Variants in SLC38A10 observed in about 807,000 individuals in gnomAD.
SLC38A10 encodes the protein Sodium-coupled neutral amino acid transporter 10.
In SLC38A10, 53 loss-of-function variants were observed where a neutral mutation model predicts 81.0. The observed-to-expected ratio is 0.65, with a 90% CI of 0.53 to 0.82. SLC38A10 has a LOEUF of 0.82. Among genes scored for constraint, SLC38A10 ranks in the 40% least tolerant of loss-of-function variants. SLC38A10 has a pLI of 0.00. For missense variants in SLC38A10, 1,471 were observed against 1,545.0 expected (o/e 0.95, Z 0.80); for synonymous variants, 665 against 655.3 (o/e 1.01, Z -0.23).
Position 81,276,049 on chromosome 17 carries a change from T to C in SLC38A10, c.832A>G (p.Met278Val), listed in dbSNP as rs1279101454. 6.8e-6 allele frequency: 11 copies of C among 1,613,952 alleles called. No homozygotes were observed. Among genetic ancestry groups the C allele is most frequent in the African/African-American group, 5.3e-5 (4 of 75,050 alleles). Residue 278 changes from methionine (M) to valine (V), a missense_variant, in exon 8 of 16, where the codon ATG becomes GTG. Met to Val is a conservative substitution (Grantham distance 21). Around this residue, in one of 2 missense-constraint regions of SLC38A10, gnomAD observed 720 missense variants for 827.7 expected, o/e 0.87. Transcript: ENST00000374759. The surrounding 1 kb of genome is among the most constrained non-coding windows in gnomAD (Gnocchi z 4.7). Reference sequence around the variant, plus strand: ...GGGAAGCCCACAGCCACTGACATCATGAAGCCCACACGGAGCATCTCCGTC... The same window carrying C: ...GGGAAGCCCACAGCCACTGACATCACGAAGCCCACACGGAGCATCTCCGTC... Reference protein sequence around the residue: ...LVTEMLRVGFMMSVAVGFPMM... With the variant: ...LVTEMLRVGFVMSVAVGFPMM...
chr17:81,267,570 G>A (rs1173749206), intron 10 of SLC38A10, among the ~76,000 whole-genome samples: 1 of 151,964 alleles, frequency 6.6e-6, no homozygotes, highest in African/African-American at 2.4e-5. Context: ...CTAAAACATG[G>A]GACCTGGCAT....
At position 81,293,913 on chromosome 17, in the gene SLC38A10, TC is replaced by T. The variant is rs1300173204; in HGVS notation, c.99+909del. Reference sequence around the variant, plus strand: ...AGATGACACTTAGAAATGGCCATTTTCTTTCATGTGTTATTCAATGCTGGAA... The same window carrying T: ...AGATGACACTTAGAAATGGCCATTTTTTTCATGTGTTATTCAATGCTGGAA... On this transcript the variant is annotated intron_variant, in intron 1 of 15. Transcript: ENST00000374759. 2.0e-5 allele frequency among the ~76,000 whole-genome samples: 3 copies of T among 152,218 alleles called. No homozygotes were observed. The East Asian group carries it at 5.8e-4, about 29-fold the overall frequency.
At chr17:81,254,383 C>A (rs9892257) in intron 11 of SLC38A10, among the ~76,000 whole-genome samples, 28,899 of 152,218 alleles carry the variant, frequency 0.19, 3,042 homozygotes, top group Non-Finnish European at 0.23. Context: ...GAAGGTACCA[C>A]CCTACTGGGT....
intron 1 of SLC38A10, among the ~76,000 whole-genome samples, chr17:81,290,392 G>A (rs2063301111): frequency 6.6e-6 from 1 of 152,178 alleles, no homozygotes; most frequent in African/African-American, 2.4e-5. Flanking sequence ...GATACAAACT[G>A]TGGTCCATTC....
At chr17:81,256,393 G>A (rs2062972945) in intron 11 of SLC38A10, among the ~76,000 whole-genome samples, 1 of 152,206 alleles carries the variant, frequency 6.6e-6, no homozygotes, top group African/African-American at 2.4e-5. Flanking sequence ...GGACGGGCGG[G>A]GAGGCCAGCG....
At chr17:81,260,177 C>T (rs976835317) in intron 11 of SLC38A10, 61 bp downstream of exon 11, 4 of 1,529,648 alleles carry the variant, frequency 2.6e-6, no homozygotes, top group South Asian at 1.3e-5. Flanking sequence ...TCGGACCAGA[C>T]CCAGGAGACA....
At chr17:81,292,716 G>A (rs1478396795) in intron 1 of SLC38A10, among the ~76,000 whole-genome samples, 1 of 152,190 alleles carries the variant, frequency 6.6e-6, no homozygotes, top group East Asian at 1.9e-4. Context: ...TCTGGCAGGG[G>A]CCTAATGTCC....
chr17:81,246,249 G>A lies in SLC38A10; in HGVS notation c.2667C>T (p.Ser889=), dbSNP rs2062849552. ...CCTTCCCAGGTTTTTTCCTGTCTTG[G>A]GAACCGCCAGTAACGTCCTGACTTT... ...PGQSQDVTGG[S]QDRKKPGKEV... is the part of the protein sequence containing the mutation. The change falls in exon 16 of 16, where the codon TCC becomes TCT. Residue 889 remains serine, a synonymous_variant. Transcript: ENST00000374759. The A allele has an allele frequency of 6.2e-7, 1 of 1,612,732 alleles. No individual in the cohort carries two copies. Among genetic ancestry groups the A allele is most frequent in the Non-Finnish European group, 8.5e-7 (1 of 1,179,940 alleles).
At chr17:81,250,858 A>T in intron 14 of SLC38A10, 1 of 1,038,592 alleles carries the variant, frequency 9.6e-7, no homozygotes, top group South Asian at 4.2e-5. Context: ...CTGAGACCCA[A>T]GGGGCGAGAA....
chr17:81,261,864 C>T (rs1307545486), intron 10 of SLC38A10, among the ~76,000 whole-genome samples: 2 of 152,212 alleles, frequency 1.3e-5, no homozygotes, highest in African/African-American at 4.8e-5. Flanking sequence ...CAGGTGCACA[C>T]GGGGACACTG....
At chr17:81,260,546 A>T in intron 10 of SLC38A10, 152 bp from the exon 11 acceptor site, 1 of 1,091,124 alleles carries the variant, frequency 9.2e-7, no homozygotes, top group South Asian at 1.7e-5. Context: ...ACAGGCGTGC[A>T]GTCGGCCCTG....
At chr17:81,264,187 G>C (rs953695908) in intron 10 of SLC38A10, 2 of 152,410 alleles carry the variant, frequency 1.3e-5, no homozygotes, top group African/African-American at 4.8e-5. Context: ...CCGGGAACTT[G>C]GGGGGCCTGT....
At chr17:81,266,618 CAAAAAAAAAAAAAAGA>C in intron 10 of SLC38A10, among the ~76,000 whole-genome samples, 1 of 82,126 alleles carries the variant, frequency 1.2e-5, no homozygotes, top group East Asian at 3.3e-4. Flanking sequence ...GACTCCATCT[CAAAAAAAAAAAAAAGA>C]AAAAGAAAAA....
In SLC38A10 at chr17:81,250,379, G is replaced by A. The variant is rs374137283; in HGVS notation, c.2065+1114C>T. ...GCACCTGGAGAAGCCAGGCCGCAGC[G>A]ACTGGGACGTGGCTGCTGCACCTGC... On this transcript the variant is annotated intron_variant, in intron 14 of 15. Transcript: ENST00000374759. Among the ~76,000 whole-genome samples the A allele has an allele frequency of 2.5e-3, 377 of 152,360 alleles. 4 individuals carry two copies. Among genetic ancestry groups the A allele is most frequent in the African/African-American group, 8.5e-3 (353 of 41,598 alleles).
intron 2 of SLC38A10, chr17:81,285,166 A>G: frequency 2.8e-6 from 1 of 354,908 alleles, no homozygotes; most frequent in Non-Finnish European, 5.1e-6. Context: ...ACAAAGAGAC[A>G]AGTCCCTGCG....
intron 10 of SLC38A10, among the ~76,000 whole-genome samples, chr17:81,269,897 G>A (rs2063100025): frequency 1.3e-5 from 2 of 152,116 alleles, no homozygotes; most frequent in Admixed American, 1.3e-4. Context: ...CTGGGAGGCG[G>A]AGGTTGCAGT....
At position 81,253,701 on chromosome 17, in the gene SLC38A10, C is replaced by G. The variant is rs201398865; in HGVS notation, c.1289-461G>C. ...TCCCTACCACCAACATCACCATCAT[C>G]ACCATCACCATCACCATCATCACCA... On this transcript the variant is annotated intron_variant, in intron 11 of 15. Transcript: ENST00000374759. This position sits in a 1 kb window ranked among gnomAD's most constrained non-coding sequence, Gnocchi z 4.1. 1.2e-4 allele frequency among the ~76,000 whole-genome samples: 18 copies of G among 150,482 alleles called. 1 individual carries two copies. In the East Asian group the frequency reaches 3.5e-3, roughly 29 times the overall value.
intron 14 of SLC38A10, among the ~76,000 whole-genome samples, chr17:81,250,293 G>T (rs2062898224): frequency 6.6e-6 from 1 of 152,242 alleles, no homozygotes; most frequent in South Asian, 2.1e-4. Context: ...CAGAGCTCCG[G>T]GAGCCCAGGG....
intron 8 of SLC38A10, among the ~76,000 whole-genome samples, chr17:81,275,731 C>CAAAAAAATAAAAAA (rs2063154695): frequency 9.2e-6 from 1 of 108,228 alleles, no homozygotes; most frequent in Non-Finnish European, 1.8e-5. Flanking sequence ...AACTCCGTCT[C>CAAAAAAATAAAAAA]AAAAAAAAAG....
Sources: allele counts gnomAD v4.1 joint callset (sites outside exome capture counted in the v4.1 genomes callset), GRCh38; gene constraint gnomAD v4.1.1; regional missense constraint gnomAD v4.1.1; non-coding constraint Gnocchi (gnomAD v3.1); transcripts MANE v1.5; gene names NCBI Gene and HGNC (gene_info 2026-07-23, HGNC 2026-07-21).